The following SLC24A3 variants were observed in gnomAD, a reference collection of about 807,000 sequenced individuals.
SLC24A3 encodes solute carrier family 24 member 3, also known as sodium/potassium/calcium exchanger 3.
In SLC24A3, 28 loss-of-function variants were observed where a neutral mutation model predicts 75.8. The observed-to-expected ratio is 0.37, with a 90% CI of 0.27 to 0.51. SLC24A3 has a LOEUF of 0.51. SLC24A3 is among the 20% of genes least tolerant of loss of function. The pLI is 0.94. For missense variants in SLC24A3, 663 were observed against 847.8 expected (o/e 0.78, Z 2.71); for synonymous variants, 372 against 334.1 (o/e 1.11, Z -1.24).
At chr20:19,652,284 T>C (rs1436378535) in intron 6 of SLC24A3, among the ~76,000 whole-genome samples, 5 of 152,230 alleles carry the variant, frequency 3.3e-5, no homozygotes, top group Non-Finnish European at 7.3e-5. Flanking sequence ...CTGTCGTCGT[T>C]AACTAAAAGT....
intron 1 of SLC24A3, among the ~76,000 whole-genome samples, chr20:19,227,708 G>A (rs1457198546): frequency 6.6e-6 from 1 of 151,986 alleles, no homozygotes; most frequent in African/African-American, 2.4e-5. Flanking sequence ...TTATGTACCA[G>A]AGGCAAATAT....
At chr20:19,459,627 C>T (rs4575786) in intron 2 of SLC24A3, among the ~76,000 whole-genome samples, 82,900 of 152,054 alleles carry the variant, frequency 0.55, 22,875 homozygotes, top group Non-Finnish European at 0.58. Context: ...GTTCCTCCAT[C>T]CAAATACAGT....
At chr20:19,412,483 A>G (rs1032071802) in intron 2 of SLC24A3, among the ~76,000 whole-genome samples, 1 of 151,906 alleles carries the variant, frequency 6.6e-6, no homozygotes, top group Non-Finnish European at 1.5e-5. Flanking sequence ...AAGGAGGGAG[A>G]ATAAGAAGAG....
chr20:19,576,519 TCACCTCG>T (rs1302740601), intron 3 of SLC24A3, among the ~76,000 whole-genome samples: 1 of 152,160 alleles, frequency 6.6e-6, no homozygotes, highest in Non-Finnish European at 1.5e-5. Context: ...GAAGGGCTCA[TCACCTCG>T]CAGGCCTCTC....
At chr20:19,428,808 C>T (rs778456797) in intron 2 of SLC24A3, among the ~76,000 whole-genome samples, 1 of 152,186 alleles carries the variant, frequency 6.6e-6, no homozygotes, top group South Asian at 2.1e-4. Context: ...ATTTAACCTG[C>T]CCTGCCCAGG....
intron 3 of SLC24A3, among the ~76,000 whole-genome samples, chr20:19,561,648 T>C (rs2030876798): frequency 6.6e-6 from 1 of 152,168 alleles, no homozygotes; most frequent in South Asian, 2.1e-4. Context: ...ATTAAAATAA[T>C]AATGACCCCC....
rs1983643186 is a variant in SLC24A3 at position 19,280,939 on chromosome 20, T to C, written c.143-20T>C. The C allele has an allele frequency of 6.2e-7, 1 of 1,611,880 alleles. No individual in the cohort carries two copies. Reference sequence around the variant, plus strand: ...AACCCAGCTGTGAATGATGTGTGGTTATTGTCTTTGTCTCCCCAGAGCTTG... The same window carrying C: ...AACCCAGCTGTGAATGATGTGTGGTCATTGTCTTTGTCTCCCCAGAGCTTG... On this transcript the variant is annotated intron_variant, in intron 1 of 16. Transcript: ENST00000328041.
chr20:19,472,679 A>G (rs1245648525), intron 2 of SLC24A3, among the ~76,000 whole-genome samples: 1 of 152,042 alleles, frequency 6.6e-6, no homozygotes, highest in Non-Finnish European at 1.5e-5. Flanking sequence ...GGGAGCCAAG[A>G]CCTCCTACAC....
chr20:19,637,471 T>C (rs2032015471), intron 6 of SLC24A3, among the ~76,000 whole-genome samples: 1 of 152,244 alleles, frequency 6.6e-6, no homozygotes, highest in Non-Finnish European at 1.5e-5. Flanking sequence ...TTCTGTTTTA[T>C]CTTAACATAA....
At chr20:19,631,650 C>G (rs2031934923) in intron 6 of SLC24A3, among the ~76,000 whole-genome samples, 1 of 152,146 alleles carries the variant, frequency 6.6e-6, no homozygotes, top group Admixed American at 6.5e-5. Flanking sequence ...CTGCACGTTG[C>G]TAGCCCAGGA....
intron 6 of SLC24A3, among the ~76,000 whole-genome samples, chr20:19,617,916 C>A (rs1459556201): frequency 6.6e-6 from 1 of 152,152 alleles, no homozygotes; most frequent in Non-Finnish European, 1.5e-5. Flanking sequence ...ACTTCCAAGC[C>A]AGATCCTGGG....
intron 1 of SLC24A3, among the ~76,000 whole-genome samples, chr20:19,237,478 C>T (rs377030910): frequency 1.1e-4 from 17 of 152,204 alleles, no homozygotes; most frequent in South Asian, 1.0e-3. Flanking sequence ...TTTGTGGGTT[C>T]GGCACCTGTT....
intron 6 of SLC24A3, among the ~76,000 whole-genome samples, chr20:19,631,791 AGTGTGT>A (rs148278633): frequency 4.3e-4 from 63 of 147,836 alleles, no homozygotes; most frequent in Non-Finnish European, 8.0e-4. Flanking sequence ...TATGAGTGAG[AGTGTGT>A]GTGTGTGTGT....
At chr20:19,666,816 G>T (rs1199996800) in intron 8 of SLC24A3, among the ~76,000 whole-genome samples, 1 of 152,170 alleles carries the variant, frequency 6.6e-6, no homozygotes, top group Non-Finnish European at 1.5e-5. Context: ...TAAATATATG[G>T]CAAGACATTT....
At chr20:19,444,959 G>T (rs376050011) in intron 2 of SLC24A3, among the ~76,000 whole-genome samples, 1 of 151,486 alleles carries the variant, frequency 6.6e-6, no homozygotes, top group Non-Finnish European at 1.5e-5. Context: ...TTTCTGATAC[G>T]TGCATTCACT....
At chr20:19,505,150 A>G (rs894986347) in intron 2 of SLC24A3, among the ~76,000 whole-genome samples, 7 of 152,186 alleles carry the variant, frequency 4.6e-5, no homozygotes, top group African/African-American at 1.7e-4. Context: ...TTGTGGGCTG[A>G]TTGTTTAAAA....
At chr20:19,567,144 A>C (rs1290695947) in intron 3 of SLC24A3, among the ~76,000 whole-genome samples, 4 of 152,238 alleles carry the variant, frequency 2.6e-5, no homozygotes, top group South Asian at 4.1e-4. Context: ...TCGACCTAGC[A>C]ATCCTATTAC....
intron 8 of SLC24A3, among the ~76,000 whole-genome samples, chr20:19,667,866 G>T (rs970338469): frequency 2.6e-5 from 4 of 152,176 alleles, no homozygotes; most frequent in African/African-American, 9.7e-5. Flanking sequence ...TCCTAGGGTA[G>T]GTGCCCGAGG....
At chr20:19,359,832 T>C (rs1368539627) in intron 2 of SLC24A3, among the ~76,000 whole-genome samples, 1 of 151,856 alleles carries the variant, frequency 6.6e-6, no homozygotes, top group Non-Finnish European at 1.5e-5. Flanking sequence ...CCATAGGGAG[T>C]GTTACCACTG....
Sources: allele counts gnomAD v4.1 joint callset (sites outside exome capture counted in the v4.1 genomes callset), GRCh38; gene constraint gnomAD v4.1.1; transcripts MANE v1.5; gene names NCBI Gene and HGNC (gene_info 2026-07-23, HGNC 2026-07-21).